The following SHISA9 variants were observed in gnomAD, a reference collection of about 807,000 sequenced individuals.
SHISA9 encodes the protein shisa family member 9.
In SHISA9, 13 loss-of-function variants were observed where a neutral mutation model predicts 38.0. The ratio of observed to expected loss-of-function variants is 0.34; its 90% CI spans 0.22 to 0.54. The LOEUF is 0.54. Ranked by LOEUF, SHISA9 falls within the 20% of genes least tolerant of loss-of-function variation. The pLI is 0.91. For synonymous variants in SHISA9, 275 were observed against 242.0 expected, an observed-to-expected ratio of 1.14 and a Z score of -1.27; for missense variants, 538 against 575.8, an observed-to-expected ratio of 0.93 and a Z score of 0.67.
At chr16:12,925,473 G>GTGTGTGTGTGTGTGTGTGTTTA (rs113968316) in intron 2 of SHISA9, among the ~76,000 whole-genome samples, 28 of 150,604 alleles carry the variant, frequency 1.9e-4, no homozygotes, top group African/African-American at 6.3e-4. Context: ...GTGTGTGTGT[G>GTGTGTGTGTGTGTGTGTGTTTA]CAAGCAACAG....
chr16:13,139,921 A>G (rs569029108), intron 2 of SHISA9, among the ~76,000 whole-genome samples: 55 of 152,114 alleles, frequency 3.6e-4, no homozygotes, highest in African/African-American at 9.9e-4. Context: ...CTGGCTGTCT[A>G]TATCCTGGTG....
chr16:13,470,086 T>C, the SHISA9 span, among the ~76,000 whole-genome samples: 46,029 of 152,092 alleles, frequency 0.3, 7,217 homozygotes, highest in East Asian at 0.39. Context: ...CTTTCCCCTA[T>C]TTACTCTTCT....
In SHISA9 at chr16:13,237,005, TGAGA is replaced by T. The variant is rs1305332431; in HGVS notation, c.*1601_*1604del. 5.3e-5 allele frequency: 8 copies of T among 152,280 alleles called. No homozygotes were observed. The highest frequency in any genetic ancestry group is 1.9e-4 in the African/African-American group (8 of 41,558). 9.4% of individuals were successfully genotyped at this position (152,280 alleles called of 1,614,324 possible). On this transcript the variant is annotated 3_prime_UTR_variant, in exon 5 of 5. Transcript: ENST00000558583. The stretch of plus-strand genomic sequence containing the variant: ...TTTGTGGAAGCCCAAAGAAGTGGAT[TGAGA>T]GAGAAGAGATTTTTATCTAAGGTGG...
At chr16:12,993,539 T>G (rs2072416918) in intron 2 of SHISA9, among the ~76,000 whole-genome samples, 1 of 152,222 alleles carries the variant, frequency 6.6e-6, no homozygotes, top group Non-Finnish European at 1.5e-5. Flanking sequence ...CAGTAAAAGA[T>G]AGCTTGGCAT....
the SHISA9 span, among the ~76,000 whole-genome samples, chr16:13,468,553 T>A: frequency 2.0e-5 from 3 of 152,262 alleles, no homozygotes; most frequent in African/African-American, 7.2e-5. Flanking sequence ...TATGTTTCTC[T>A]TTTATTGGCT....
the SHISA9 span, among the ~76,000 whole-genome samples, chr16:13,502,952 T>C: frequency 6.6e-6 from 1 of 152,062 alleles, no homozygotes; most frequent in African/African-American, 2.4e-5. Context: ...CAGAGAAATA[T>C]GCAATTGCAA....
At chr16:13,185,022 C>A (rs2050808597) in intron 2 of SHISA9, among the ~76,000 whole-genome samples, 1 of 152,156 alleles carries the variant, frequency 6.6e-6, no homozygotes, top group African/African-American at 2.4e-5. Flanking sequence ...AGAGCTGTAG[C>A]ATTTTACATT....
the SHISA9 span, among the ~76,000 whole-genome samples, chr16:13,562,095 A>G: frequency 6.6e-6 from 1 of 152,180 alleles, no homozygotes; most frequent in African/African-American, 2.4e-5. Context: ...TCACTGACTA[A>G]CAGTCTTGCA....
chr16:13,101,794 C>T (rs569651520), intron 2 of SHISA9, among the ~76,000 whole-genome samples: 58 of 152,258 alleles, frequency 3.8e-4, no homozygotes, highest in Non-Finnish European at 4.9e-4. Flanking sequence ...TACTTGCTAT[C>T]GTTTGTCTTT....
the SHISA9 span, among the ~76,000 whole-genome samples, chr16:13,469,352 AAGAAAGAAAAGAAAAAGAAAGAAAG>A: frequency 3.9e-5 from 5 of 128,266 alleles, no homozygotes; most frequent in Admixed American, 2.6e-4. Context: ...GAAAGAAAGA[AAGAAAGAAAAGAAAAAGAAAGAAAG>A]AAAGAAAGAA....
At chr16:13,140,694 A>G (rs990943766) in intron 2 of SHISA9, among the ~76,000 whole-genome samples, 4 of 152,226 alleles carry the variant, frequency 2.6e-5, no homozygotes, top group Admixed American at 6.5e-5. Context: ...ATAGATCAGT[A>G]TCAATTACTG....
At position 13,239,587 on chromosome 16, in the gene SHISA9, G is replaced by C. The variant is rs1240707767; in HGVS notation, c.*4178G>C. ...TTGATTTGCATTTCTCTGATGGCCA[G>C]TGATGATGAGCATTTTTTCATGTGT... is the stretch of plus-strand genomic sequence containing the variant. On this transcript the variant is annotated 3_prime_UTR_variant, in exon 5 of 5. Coordinates refer to ENST00000558583, the MANE Select transcript of SHISA9 (RefSeq NM_001145204.3). The C allele has an allele frequency of 1.3e-5, 2 of 152,202 alleles. No individual in the cohort carries two copies. The highest frequency in any genetic ancestry group is 2.9e-5 in the Non-Finnish European group (2 of 68,036). 9.4% of individuals were successfully genotyped at this position (152,202 alleles called of 1,614,324 possible). A position where few individuals can be genotyped will look rare whatever the true frequency, so the allele number is the denominator to read the frequency against.
chr16:13,241,559 T>A (rs1324800935), downstream of SHISA9, among the ~76,000 whole-genome samples: 2 of 152,130 alleles, frequency 1.3e-5, no homozygotes, highest in East Asian at 3.9e-4. Context: ...CTACTGGTGA[T>A]TATAAGCCAG....
At chr16:13,407,142 A>G in the SHISA9 span, among the ~76,000 whole-genome samples, 1 of 151,692 alleles carries the variant, frequency 6.6e-6, no homozygotes, top group African/African-American at 2.4e-5. Flanking sequence ...TACCACAACA[A>G]GCTACCATAG....
intron 2 of SHISA9, among the ~76,000 whole-genome samples, chr16:13,166,315 C>A (rs1300451298): frequency 6.6e-6 from 1 of 152,198 alleles, no homozygotes; most frequent in African/African-American, 2.4e-5. Flanking sequence ...CATCCTTTCT[C>A]TTGCTTTTTT....
At chr16:13,167,197 T>G (rs1257600742) in intron 2 of SHISA9, among the ~76,000 whole-genome samples, 1 of 151,628 alleles carries the variant, frequency 6.6e-6, no homozygotes, top group Non-Finnish European at 1.5e-5. Context: ...TTCAGCCTCC[T>G]GAGTAGCTGG....
chr16:13,288,794 C>A, the SHISA9 span, among the ~76,000 whole-genome samples: 2 of 151,828 alleles, frequency 1.3e-5, no homozygotes, highest in African/African-American at 4.9e-5. Flanking sequence ...TGTCTTAAAA[C>A]AAAAACAAAA....
intron 2 of SHISA9, among the ~76,000 whole-genome samples, chr16:13,093,653 C>T (rs558034918): frequency 3.9e-5 from 6 of 152,116 alleles, no homozygotes; most frequent in East Asian, 1.9e-4. Context: ...TGCTGCAGTT[C>T]GGCCCTGGAT....
chr16:13,554,478 T>C, the SHISA9 span, among the ~76,000 whole-genome samples: 2 of 141,854 alleles, frequency 1.4e-5, no homozygotes, highest in African/African-American at 4.9e-5. Flanking sequence ...CTCTCACATT[T>C]GTTTCCTTTT....
Sources: allele counts gnomAD v4.1 joint callset (sites outside exome capture counted in the v4.1 genomes callset), GRCh38; gene constraint gnomAD v4.1.1; transcripts MANE v1.5; gene names NCBI Gene and HGNC (gene_info 2026-07-23, HGNC 2026-07-21).